Variants in NBAS observed in about 807,000 individuals in gnomAD.
The protein encoded by NBAS is NAG/BC035112 fusion.
In NBAS, 219 loss-of-function variants were observed where a neutral mutation model predicts 302.5. The ratio of observed to expected loss-of-function variants is 0.72; its 90% CI spans 0.65 to 0.81. The LOEUF (loss-of-function observed/expected upper bound fraction) is 0.81, where lower values mean the gene tolerates loss of function less well. NBAS is among the 30% of genes least tolerant of loss of function. NBAS has a pLI of 0.00. For synonymous variants in NBAS, 1,118 were observed against 1,021.6 expected (o/e 1.09, Z -1.80); for missense variants, 2,932 against 2,841.6 (o/e 1.03, Z -0.72).
the NBAS span, among the ~76,000 whole-genome samples, chr2:15,044,765 C>T: frequency 2.0e-5 from 3 of 152,168 alleles, no homozygotes; most frequent in Non-Finnish European, 4.4e-5. Flanking sequence ...TTGTAAACAA[C>T]TATAAAGAGG....
At chr2:15,538,950 T>C (rs1473905101) in intron 7 of NBAS, among the ~76,000 whole-genome samples, 1 of 152,204 alleles carries the variant, frequency 6.6e-6, no homozygotes, top group African/African-American at 2.4e-5. Context: ...CACTGACTTC[T>C]TTCTGTCACT....
intron 46 of NBAS, among the ~76,000 whole-genome samples, chr2:15,233,704 C>G (rs1434289337): frequency 6.6e-6 from 1 of 152,096 alleles, no homozygotes; most frequent in Non-Finnish European, 1.5e-5. Flanking sequence ...TTCTATATAT[C>G]TCCCTATATA....
chr2:14,868,923 A>G, the NBAS span, among the ~76,000 whole-genome samples: 3 of 152,108 alleles, frequency 2.0e-5, no homozygotes, highest in African/African-American at 7.2e-5. Flanking sequence ...CTTCCCCAGA[A>G]TTTTCCAAAG....
chr2:15,328,425 A>T, intron 36 of NBAS, 113 bp from the exon 37 acceptor site: 1 of 873,938 alleles, frequency 1.1e-6, no homozygotes, highest in Non-Finnish European at 1.9e-6. Context: ...GGCTGATTTC[A>T]AAAGAAACTG....
At chr2:15,035,624 T>C in the NBAS span, among the ~76,000 whole-genome samples, 9 of 151,950 alleles carry the variant, frequency 5.9e-5, no homozygotes, top group Admixed American at 2.6e-4. Flanking sequence ...ATAAAGAAAA[T>C]GTGGTACATA....
At chr2:15,038,735 G>A in the NBAS span, among the ~76,000 whole-genome samples, 3 of 152,016 alleles carry the variant, frequency 2.0e-5, no homozygotes, top group Non-Finnish European at 4.4e-5. Context: ...AAGTGACTGC[G>A]ACCATGTGAA....
intron 42 of NBAS, among the ~76,000 whole-genome samples, chr2:15,279,099 T>C (rs982128916): frequency 6.6e-6 from 1 of 151,980 alleles, no homozygotes; most frequent in African/African-American, 2.4e-5. Context: ...CTAAAAACAA[T>C]GTAGTAAGGA....
chr2:15,508,813 G>A (rs1231798703), intron 10 of NBAS, among the ~76,000 whole-genome samples: 1 of 152,088 alleles, frequency 6.6e-6, no homozygotes, highest in Non-Finnish European at 1.5e-5. Context: ...AGATCAGCCT[G>A]GCCAACATGG....
chr2:15,504,672 T>G (rs1558396244), intron 10 of NBAS, among the ~76,000 whole-genome samples: 1 of 152,178 alleles, frequency 6.6e-6, no homozygotes, highest in Non-Finnish European at 1.5e-5. Flanking sequence ...CATGACAATT[T>G]TTTGTCTTTA....
chr2:15,115,047 G>A, the NBAS span, among the ~76,000 whole-genome samples: 69 of 152,240 alleles, frequency 4.5e-4, no homozygotes, highest in Non-Finnish European at 8.4e-4. Flanking sequence ...CTACTACTAT[G>A]AAAAGTAGAA....
the NBAS span, among the ~76,000 whole-genome samples, chr2:15,026,462 C>CAAAAAAAAAAAAAAAAAAAAAAAAA: frequency 2.2e-4 from 1 of 4,532 alleles, no homozygotes; most frequent in African/African-American, 1.8e-3. Context: ...GACTCCGTCT[C>CAAAAAAAAAAAAAAAAAAAAAAAAA]AAAAAAAAAA....
At chr2:14,867,911 G>A in the NBAS span, among the ~76,000 whole-genome samples, 10 of 152,166 alleles carry the variant, frequency 6.6e-5, no homozygotes, top group South Asian at 1.5e-3. Flanking sequence ...TAGTGATCAC[G>A]ACAGCCATGC....
chr2:14,848,021 C>T, the NBAS span, among the ~76,000 whole-genome samples: 1 of 152,154 alleles, frequency 6.6e-6, no homozygotes, highest in African/African-American at 2.4e-5. Context: ...AAATATGCTC[C>T]TGAATGACCA....
intron 44 of NBAS, among the ~76,000 whole-genome samples, chr2:15,266,939 T>G (rs1458060963): frequency 6.6e-6 from 1 of 152,222 alleles, no homozygotes; most frequent in Non-Finnish European, 1.5e-5. Context: ...AAAACTATTT[T>G]GAAATAATTA....
At chr2:15,242,228 T>C (rs1270438893) in intron 44 of NBAS, among the ~76,000 whole-genome samples, 3 of 152,224 alleles carry the variant, frequency 2.0e-5, no homozygotes, top group Non-Finnish European at 2.9e-5. Context: ...AGAGTTTAAA[T>C]TGTTTGACTT....
chr2:15,473,262 C>T lies in NBAS; in HGVS notation c.1685G>A (p.Arg562Lys). 1 of 1,614,104 alleles carries T rather than the reference C, an allele frequency of 6.2e-7. No individual in the cohort carries two copies. Among genetic ancestry groups the T allele is most frequent in the South Asian group, 1.1e-5 (1 of 91,074 alleles). The change falls in exon 16 of 52, where the codon AGG becomes AAG. Residue 562 changes from arginine (R) to lysine (K), a missense_variant. Physicochemically the swap from Arg to Lys is conservative, Grantham distance 26 (BLOSUM62 2). Coordinates refer to ENST00000281513, the MANE Select transcript of NBAS (RefSeq NM_015909.4). Reference protein sequence around the residue: ...DTDLVYQRQWRKSAVNVASIQ... With the variant: ...DTDLVYQRQWKKSAVNVASIQ... ...TGAAGCAACGTTGACCGCTGACTTCCTCCACTGCCTCTGATATACAAGGTC... is the reference window on the plus strand; with the variant it reads ...TGAAGCAACGTTGACCGCTGACTTCTTCCACTGCCTCTGATATACAAGGTC...
At chr2:15,189,763 G>A (rs187874673) in intron 49 of NBAS, among the ~76,000 whole-genome samples, 6 of 152,258 alleles carry the variant, frequency 3.9e-5, no homozygotes, top group East Asian at 1.9e-4. Flanking sequence ...CTTATTAGCC[G>A]TGTGAAGCCT....
intron 21 of NBAS, among the ~76,000 whole-genome samples, chr2:15,436,208 G>GA (rs1426640397): frequency 1.3e-5 from 2 of 152,142 alleles, no homozygotes; most frequent in African/African-American, 4.8e-5. Context: ...ATTGCACATT[G>GA]AATAAAAACT....
the NBAS span, among the ~76,000 whole-genome samples, chr2:15,111,692 C>T: frequency 1.3e-5 from 2 of 151,358 alleles, no homozygotes; most frequent in African/African-American, 2.4e-5. Context: ...GGAATAGAAC[C>T]CAGATTGAAA....
Sources: allele counts gnomAD v4.1 joint callset (sites outside exome capture counted in the v4.1 genomes callset), GRCh38; gene constraint gnomAD v4.1.1; transcripts MANE v1.5; gene names NCBI Gene and HGNC (gene_info 2026-07-23, HGNC 2026-07-21).